The following PSD2 variants were observed in gnomAD, a reference collection of about 807,000 sequenced individuals.
The protein encoded by PSD2 is PH and SEC7 domain-containing protein 2.
PSD2 carries 38 observed loss-of-function variants against 69.8 expected under a neutral mutation model. The ratio of observed to expected loss-of-function variants is 0.54; its 90% CI spans 0.42 to 0.71. The LOEUF is 0.71. Ranked by LOEUF, PSD2 falls within the 30% of genes least tolerant of loss-of-function variation. PSD2 has a pLI of 0.00. For missense variants in PSD2, 943 were observed against 1,014.5 expected, an observed-to-expected ratio of 0.93 and a Z score of 0.96; for synonymous variants, 412 against 423.0, an observed-to-expected ratio of 0.97 and a Z score of 0.32.
the PSD2 span, among the ~76,000 whole-genome samples, chr5:139,766,012 G>A: frequency 6.6e-6 from 1 of 152,188 alleles, no homozygotes; most frequent in East Asian, 1.9e-4. Flanking sequence ...GCGATGGGGT[G>A]ACGGCAAGCC....
intron 7 of PSD2, among the ~76,000 whole-genome samples, chr5:139,823,042 T>C (rs1284448245): frequency 1.3e-5 from 2 of 152,194 alleles, no homozygotes; most frequent in Non-Finnish European, 2.9e-5. Flanking sequence ...TGTGTGCCTC[T>C]CGTCCATGCT....
intron 1 of PSD2, among the ~76,000 whole-genome samples, chr5:139,808,790 C>T (rs549273150): frequency 6.6e-6 from 1 of 152,378 alleles, no homozygotes; most frequent in African/African-American, 2.4e-5. Flanking sequence ...TGGGCTATCC[C>T]TGTCTGTCTC....
chr5:139,842,220 AC>A, intron 14 of PSD2, 50 bp from the exon 15 acceptor site: 1 of 1,510,110 alleles, frequency 6.6e-7, no homozygotes. Context: ...AGGTGCACAT[AC>A]TTTTTTCCTA....
chr5:139,763,864 G>C, the PSD2 span, among the ~76,000 whole-genome samples: 1 of 152,196 alleles, frequency 6.6e-6, no homozygotes, highest in African/African-American at 2.4e-5. Context: ...ACCCGAGCTT[G>C]AGTCTGAAAT....
chr5:139,839,955 G>A lies in PSD2; in HGVS notation c.1969-72G>A. 1.3e-6 allele frequency: 2 copies of A among 1,547,542 alleles called. No homozygotes were observed. Among genetic ancestry groups the A allele is most frequent in the Non-Finnish European group, 1.8e-6 (2 of 1,126,850 alleles). On this transcript the variant is annotated intron_variant, in intron 13 of 14. Coordinates refer to ENST00000274710, the MANE Select transcript of PSD2 (RefSeq NM_032289.4). This position sits in a 1 kb window ranked among gnomAD's most constrained non-coding sequence, Gnocchi z 5.1. Reference sequence around the variant, plus strand: ...TTTCCCTTTGGTGGAGCAGCTCCTGGTAGAACAGGATTTGAGCCACTCCGT... The same window carrying A: ...TTTCCCTTTGGTGGAGCAGCTCCTGATAGAACAGGATTTGAGCCACTCCGT...
the PSD2 span, among the ~76,000 whole-genome samples, chr5:139,754,959 T>G: frequency 6.6e-6 from 1 of 152,256 alleles, no homozygotes; most frequent in Non-Finnish European, 1.5e-5. Context: ...TTTGTGTGTG[T>G]GTGCAGTGGA....
chr5:139,798,786 TC>T (rs1759595366), intron 1 of PSD2, among the ~76,000 whole-genome samples: 1 of 152,230 alleles, frequency 6.6e-6, no homozygotes, highest in African/African-American at 2.4e-5. Flanking sequence ...TGCATTGTTA[TC>T]ATACCCAAGA....
upstream of PSD2, among the ~76,000 whole-genome samples, chr5:139,795,256 G>A (rs1759489170): frequency 6.6e-6 from 1 of 152,138 alleles, no homozygotes; most frequent in South Asian, 2.1e-4. The surrounding 1 kb of genome is among the most constrained non-coding windows in gnomAD (Gnocchi z 4.5). Flanking sequence ...TAGGTCTCAG[G>A]GGCTCAGTCT....
chr5:139,842,305 C>T lies in PSD2; in HGVS notation c.2147C>T (p.Ala716Val), dbSNP rs571768372. ...SRYETYIHLL[A>V]MKIKVGSDDL... ...TATGAGACCTATATCCACCTCCTGG[C>T]TATGAAAATCAAAGTGGGCTCAGAT... is the stretch of plus-strand genomic sequence containing the variant. Residue 716 changes from alanine (A) to valine (V), a missense_variant, in exon 15 of 15, where the codon GCT (alanine) becomes GTT (valine). Ala to Val is a moderately conservative substitution (Grantham distance 64). This residue lies in a region of PSD2 where 165 missense variants were observed against 168.8 expected (regional missense o/e 0.98). Transcript: ENST00000274710. The T allele has an allele frequency of 8.1e-6, 13 of 1,614,074 alleles. No homozygotes were observed. Among genetic ancestry groups the T allele is most frequent in the Admixed American group, 3.3e-5 (2 of 60,008 alleles).
Position 139,813,600 on chromosome 5 carries a change from C to G in PSD2, c.663C>G (p.Pro221=), listed in dbSNP as rs772106100. ...GTGGTGATGGGGAGCTGGGCAGCCCCCTGCGGCGCTCCATCTCCAGCAGCC... is the reference window on the plus strand; with the variant it reads ...GTGGTGATGGGGAGCTGGGCAGCCCGCTGCGGCGCTCCATCTCCAGCAGCC... ...AAGGDGELGS[P]LRRSISSSRS... Residue 221 remains proline (P), a synonymous_variant, in exon 3 of 15, where the codon CCC becomes CCG. Transcript: ENST00000274710. 2 of 1,614,004 alleles carry G rather than the reference C, an allele frequency of 1.2e-6. No homozygotes were observed. The highest frequency in any genetic ancestry group is 2.2e-5 in the South Asian group (2 of 91,074).
chr5:139,788,186 C>T, the PSD2 span, among the ~76,000 whole-genome samples: 5 of 151,946 alleles, frequency 3.3e-5, no homozygotes, highest in Non-Finnish European at 4.4e-5. Context: ...CGCGCCCCCC[C>T]CCGAACCCGT....
chr5:139,824,849 C>T (rs983712092), intron 7 of PSD2, among the ~76,000 whole-genome samples: 1 of 152,180 alleles, frequency 6.6e-6, no homozygotes, highest in African/African-American at 2.4e-5. Flanking sequence ...TCCCACGTCA[C>T]TCATCAAGCA....
At chr5:139,766,591 G>A in the PSD2 span, among the ~76,000 whole-genome samples, 1 of 152,200 alleles carries the variant, frequency 6.6e-6, no homozygotes, top group Admixed American at 6.5e-5. Flanking sequence ...ACCCTCCATG[G>A]TTAGATCTGT....
chr5:139,799,745 T>A (rs2126923068), intron 1 of PSD2, among the ~76,000 whole-genome samples: 1 of 151,388 alleles, frequency 6.6e-6, no homozygotes, highest in South Asian at 2.1e-4. Flanking sequence ...GTTGTGTGGT[T>A]TGGGGGCCCT....
the PSD2 span, among the ~76,000 whole-genome samples, chr5:139,774,422 G>A: frequency 6.6e-6 from 1 of 152,198 alleles, no homozygotes; most frequent in Admixed American, 6.5e-5. Context: ...GGGAATGGGG[G>A]AAGAGGTGGT....
chr5:139,809,917 T>C, intron 2 of PSD2, 106 bp downstream of exon 2: 1 of 1,243,376 alleles, frequency 8.0e-7, no homozygotes, highest in Non-Finnish European at 1.1e-6. Flanking sequence ...TTCTCACACA[T>C]AAAATGGGGA....
the PSD2 span, among the ~76,000 whole-genome samples, chr5:139,761,428 G>A: frequency 3.3e-5 from 5 of 152,218 alleles, no homozygotes; most frequent in Admixed American, 3.3e-4. Context: ...CTGTTCACCT[G>A]TCAGGGTCTC....
chr5:139,752,275 G>A, the PSD2 span, among the ~76,000 whole-genome samples: 2 of 151,970 alleles, frequency 1.3e-5, no homozygotes, highest in South Asian at 4.2e-4. Flanking sequence ...CTCTTTTTCT[G>A]TTTCTGCCTC....
Position 139,813,685 on chromosome 5 carries a change from G to A in PSD2, c.748G>A (p.Asp250Asn), listed in dbSNP as rs1455168690. The A allele has an allele frequency of 1.2e-6, 2 of 1,613,872 alleles. No individual in the cohort carries two copies. The highest frequency in any genetic ancestry group is 1.7e-6 in the Non-Finnish European group (2 of 1,179,952). The change falls in exon 3 of 15, where the codon GAT (aspartate) becomes AAT (asparagine). Residue 250 changes from aspartate to asparagine, a missense_variant. Physicochemically the swap from Asp to Asn is conservative, Grantham distance 23. Coordinates refer to ENST00000274710, the MANE Select transcript of PSD2 (RefSeq NM_032289.4). The stretch of plus-strand genomic sequence containing the variant: ...GGCCATGCCCAATGGATTCCATGAA[G>A]ATGGCCCTCAGGGCCCAGGGGGGGA... ...LMAMPNGFHE[D>N]GPQGPGGDED...
Sources: allele counts gnomAD v4.1 joint callset (sites outside exome capture counted in the v4.1 genomes callset), GRCh38; gene constraint gnomAD v4.1.1; regional missense constraint gnomAD v4.1.1; non-coding constraint Gnocchi (gnomAD v3.1); transcripts MANE v1.5; gene names NCBI Gene and HGNC (gene_info 2026-07-23, HGNC 2026-07-21).